Variants in XPO7 observed in about 807,000 individuals in gnomAD.
XPO7 encodes the protein exportin 7, also known as exportin-7.
In XPO7, 21 loss-of-function variants were observed where a neutral mutation model predicts 144.3. That is an observed-to-expected ratio of 0.15 (90% CI 0.10 to 0.21). The LOEUF is 0.21. XPO7 is among the 10% of genes least tolerant of loss of function. The pLI, the probability that XPO7 is intolerant of heterozygous loss-of-function variation, is 1.00. For synonymous variants in XPO7, 580 were observed against 499.6 expected (o/e 1.16, Z -2.15); for missense variants, 808 against 1,325.8 (o/e 0.61, Z 6.06).
At chr8:21,951,360 C>A (rs940422324) in intron 1 of XPO7, among the ~76,000 whole-genome samples, 6 of 151,908 alleles carry the variant, frequency 3.9e-5, no homozygotes, top group Admixed American at 3.9e-4. Flanking sequence ...TCTTAATCAT[C>A]CTTACTCTTC....
At chr8:21,951,810 G>A (rs1011011981) in intron 1 of XPO7, among the ~76,000 whole-genome samples, 1 of 144,218 alleles carries the variant, frequency 6.9e-6, no homozygotes, top group African/African-American at 2.5e-5. Flanking sequence ...TGAAGAGTAT[G>A]TATGGTACTG....
chr8:22,000,354 A>T (rs1409757974), intron 24 of XPO7, among the ~76,000 whole-genome samples: 1 of 152,132 alleles, frequency 6.6e-6, no homozygotes, highest in African/African-American at 2.4e-5. Context: ...AGGGCCGTGG[A>T]AGCTGGGGAA....
rs1585484628 is a variant in XPO7, at chr8:21,999,733, CAGAA to C, written c.2782+63_2782+66del. 2.5e-6 allele frequency: 4 copies of C among 1,601,280 alleles called. No homozygotes were observed. In the East Asian group the frequency reaches 6.7e-5, roughly 27 times the overall value. On this transcript the variant is annotated intron_variant, in intron 24 of 27. Coordinates refer to ENST00000252512, the MANE Select transcript of XPO7 (RefSeq NM_015024.5). ...GTTTGTTTTTTACCACTTAACTAAA[CAGAA>C]AGAGAGAATCTTGCCCCAGTGTCCA...
chr8:21,984,969 C>T, intron 12 of XPO7, 130 bp downstream of exon 12: 2 of 960,834 alleles, frequency 2.1e-6, no homozygotes, highest in Non-Finnish European at 3.0e-6. Context: ...TCCATATGCA[C>T]AAGAATCTTT....
At chr8:21,961,117 T>C (rs980436419) in intron 1 of XPO7, among the ~76,000 whole-genome samples, 1 of 152,128 alleles carries the variant, frequency 6.6e-6, no homozygotes, top group Admixed American at 6.5e-5. Flanking sequence ...ATTTGGGAAC[T>C]GTTAACATTT....
At chr8:21,962,900 A>G (rs116922020) in intron 1 of XPO7, among the ~76,000 whole-genome samples, 4 of 152,346 alleles carry the variant, frequency 2.6e-5, no homozygotes, top group Non-Finnish European at 5.9e-5. Context: ...AATGTAATTT[A>G]TATGTCAATT....
intron 1 of XPO7, among the ~76,000 whole-genome samples, chr8:21,929,033 G>T (rs528789929): frequency 6.6e-6 from 1 of 152,264 alleles, no homozygotes; most frequent in East Asian, 1.9e-4. Flanking sequence ...TTGGGTGGAG[G>T]ACGTACCAGC....
intron 1 of XPO7, among the ~76,000 whole-genome samples, chr8:21,930,038 GA>G (rs1445741895): frequency 6.6e-6 from 1 of 152,200 alleles, no homozygotes; most frequent in African/African-American, 2.4e-5. Flanking sequence ...AGCTAACACT[GA>G]GAAGGTGGAG....
At chr8:21,987,693 C>A in intron 14 of XPO7, 91 bp from the exon 15 acceptor site, 1 of 1,400,964 alleles carries the variant, frequency 7.1e-7, no homozygotes, top group African/African-American at 1.4e-5. Context: ...CATTTTCTTC[C>A]ACATCTTACC....
At chr8:21,984,499 C>A in intron 11 of XPO7, 147 bp from the exon 12 acceptor site, 1 of 740,716 alleles carries the variant, frequency 1.4e-6, no homozygotes, top group Non-Finnish European at 2.1e-6. Context: ...CCTCATTAAA[C>A]ATTCTTCCTT....
chr8:21,937,399 C>T (rs978427849), intron 1 of XPO7, among the ~76,000 whole-genome samples: 2 of 152,118 alleles, frequency 1.3e-5, no homozygotes, highest in African/African-American at 2.4e-5. Flanking sequence ...CCTCTTAGTA[C>T]GCATGTAATA....
chr8:21,994,955 A>G (rs1214205336), intron 20 of XPO7, among the ~76,000 whole-genome samples: 1 of 152,024 alleles, frequency 6.6e-6, no homozygotes, highest in East Asian at 1.9e-4. Flanking sequence ...TTGGGAGGCT[A>G]AGGCAGGAGA....
intron 1 of XPO7, among the ~76,000 whole-genome samples, chr8:21,957,060 A>G (rs1034206664): frequency 1.3e-5 from 2 of 152,078 alleles, no homozygotes; most frequent in Non-Finnish European, 2.9e-5. Context: ...AGTAACCTGC[A>G]TATTAGTGTA....
At chr8:21,939,779 A>G (rs1301672884) in intron 1 of XPO7, among the ~76,000 whole-genome samples, 1 of 152,250 alleles carries the variant, frequency 6.6e-6, no homozygotes, top group Non-Finnish European at 1.5e-5. Context: ...CCAAATCATA[A>G]CATGCTTTCT....
intron 1 of XPO7, among the ~76,000 whole-genome samples, chr8:21,956,854 T>G (rs1313335766): frequency 6.6e-6 from 1 of 152,212 alleles, no homozygotes; most frequent in East Asian, 1.9e-4. Context: ...TTTTTACTTG[T>G]TCCAGATTGC....
At chr8:21,977,272 A>G (rs1812254017) in intron 7 of XPO7, among the ~76,000 whole-genome samples, 1 of 152,206 alleles carries the variant, frequency 6.6e-6, no homozygotes, top group South Asian at 2.1e-4. Context: ...AGAGAAGCTA[A>G]AATAGTACTT....
chr8:21,993,973 C>T (rs929343155), intron 19 of XPO7, among the ~76,000 whole-genome samples: 2 of 150,848 alleles, frequency 1.3e-5, no homozygotes, highest in African/African-American at 4.9e-5. Context: ...CTCTCTCCCC[C>T]TCCCTCCCCT....
chr8:21,961,499 A>C (rs28558543), intron 1 of XPO7, among the ~76,000 whole-genome samples: 230 of 152,196 alleles, frequency 1.5e-3, no homozygotes, highest in African/African-American at 5.2e-3. Flanking sequence ...TATAGGTGTG[A>C]GCCACTGTGC....
At chr8:21,930,389 T>G (rs983183579) in intron 1 of XPO7, among the ~76,000 whole-genome samples, 1 of 152,148 alleles carries the variant, frequency 6.6e-6, no homozygotes, top group Non-Finnish European at 1.5e-5. Context: ...TAGAAATGTA[T>G]GCCAATAAGG....
Sources: allele counts gnomAD v4.1 joint callset (sites outside exome capture counted in the v4.1 genomes callset), GRCh38; gene constraint gnomAD v4.1.1; transcripts MANE v1.5; gene names NCBI Gene and HGNC (gene_info 2026-07-23, HGNC 2026-07-21).